The following PDE4B variants were observed in gnomAD, a reference collection of about 807,000 sequenced individuals.
PDE4B encodes 3',5'-cyclic-AMP phosphodiesterase 4B.
A neutral mutation model predicts 82.2 loss-of-function variants in PDE4B; 20 were observed. The observed-to-expected ratio is 0.24, with a 90% CI of 0.17 to 0.35. The LOEUF is 0.35. Ranked by LOEUF, PDE4B falls within the 10% of genes least tolerant of loss-of-function variation. The pLI is 1.00. For synonymous variants in PDE4B, 320 were observed against 318.9 expected, an observed-to-expected ratio of 1.00 and a Z score of -0.04; for missense variants, 655 against 907.2, an observed-to-expected ratio of 0.72 and a Z score of 3.57.
At chr1:65,921,161 G>C (rs1647235932) in intron 3 of PDE4B, among the ~76,000 whole-genome samples, 1 of 150,850 alleles carries the variant, frequency 6.6e-6, no homozygotes, top group Non-Finnish European at 1.5e-5. Context: ...GTAGAGACGG[G>C]GTTTCACCGT....
intron 3 of PDE4B, among the ~76,000 whole-genome samples, chr1:66,033,193 T>G (rs923088365): frequency 5.3e-5 from 8 of 152,014 alleles, no homozygotes; most frequent in Non-Finnish European, 1.2e-4. Context: ...GGTTTTGGGG[T>G]TTTTTAGTGC....
chr1:66,095,357 A>C (rs1178641528), intron 3 of PDE4B, among the ~76,000 whole-genome samples: 2 of 151,940 alleles, frequency 1.3e-5, no homozygotes, highest in African/African-American at 2.4e-5. Context: ...TATTGTGTCT[A>C]ACATAGCATT....
chr1:66,240,754 A>G (rs1361799661), intron 3 of PDE4B, among the ~76,000 whole-genome samples: 1 of 152,240 alleles, frequency 6.6e-6, no homozygotes, highest in Non-Finnish European at 1.5e-5. Context: ...GCTCATCACC[A>G]TTAACATAAA....
chr1:66,299,488 C>T (rs1298532726), intron 7 of PDE4B, among the ~76,000 whole-genome samples: 1 of 152,088 alleles, frequency 6.6e-6, no homozygotes, highest in Admixed American at 6.6e-5. Flanking sequence ...AGGCTAATTC[C>T]ATATCTTGGC....
chr1:65,935,731 CGA>C (rs1237020696), intron 3 of PDE4B, among the ~76,000 whole-genome samples: 3 of 152,074 alleles, frequency 2.0e-5, no homozygotes, highest in African/African-American at 7.2e-5. Context: ...CACCTGAGGT[CGA>C]GAGTTCGAGA....
intron 9 of PDE4B, 133 bp downstream of exon 9, chr1:66,355,753 C>A (rs571083718): frequency 4.2e-5 from 22 of 521,566 alleles, no homozygotes; most frequent in African/African-American, 9.6e-5. Context: ...AAAATAATAA[C>A]TAAGGCCAGT....
intron 5 of PDE4B, 48 bp downstream of exon 5, chr1:66,257,731 A>G (rs1654353212): frequency 1.2e-6 from 2 of 1,608,548 alleles, no homozygotes; most frequent in Non-Finnish European, 1.7e-6. Context: ...GCTGGTTTCT[A>G]AGTCTGAACC....
chr1:66,277,387 T>C (rs1212696028), intron 7 of PDE4B, among the ~76,000 whole-genome samples: 1 of 152,048 alleles, frequency 6.6e-6, no homozygotes, highest in Non-Finnish European at 1.5e-5. Context: ...TTTTATTTTA[T>C]TATTTATTTA....
At chr1:66,155,574 G>A (rs186566303) in intron 3 of PDE4B, among the ~76,000 whole-genome samples, 1 of 151,440 alleles carries the variant, frequency 6.6e-6, no homozygotes, top group Non-Finnish European at 1.5e-5. Flanking sequence ...CCTATCATTT[G>A]TAACCACTAG....
chr1:65,828,311 T>G (rs996263749), intron 1 of PDE4B, among the ~76,000 whole-genome samples: 1 of 152,144 alleles, frequency 6.6e-6, no homozygotes, highest in Non-Finnish European at 1.5e-5. Flanking sequence ...AGTGGCGTGA[T>G]CATGGCTCAC....
chr1:66,371,943 A>G (rs576060408), intron 16 of PDE4B, among the ~76,000 whole-genome samples: 53 of 152,294 alleles, frequency 3.5e-4, no homozygotes, highest in African/African-American at 1.3e-3. Context: ...TATCTGGCGC[A>G]CATAAAAGGA....
intron 7 of PDE4B, among the ~76,000 whole-genome samples, chr1:66,302,728 T>G (rs1328900077): frequency 6.6e-6 from 1 of 152,200 alleles, no homozygotes; most frequent in Non-Finnish European, 1.5e-5. Context: ...CAAAAGCTCT[T>G]GCTTGCTTTC....
chr1:66,029,784 A>C lies in PDE4B; in HGVS notation c.281+110949A>C, dbSNP rs560404662. ...CATGCAATAATGAAATATTTTAAATACTGAATTTAGGATGAATTTGATTTT... is the reference window on the plus strand; with the variant it reads ...CATGCAATAATGAAATATTTTAAATCCTGAATTTAGGATGAATTTGATTTT... On this transcript the variant is annotated intron_variant, in intron 3 of 16. Transcript: ENST00000341517. Among the ~76,000 whole-genome samples, 3 of 152,338 alleles carry C rather than the reference A, an allele frequency of 2.0e-5. No individual in the cohort carries two copies. In the East Asian group the frequency reaches 5.8e-4, roughly 29 times the overall value.
chr1:66,008,045 G>A (rs1349336223), intron 3 of PDE4B, among the ~76,000 whole-genome samples: 1 of 152,020 alleles, frequency 6.6e-6, no homozygotes, highest in Admixed American at 6.6e-5. Flanking sequence ...AAATATCCAG[G>A]GTTACTGGAT....
chr1:66,032,678 A>C (rs1653850262), intron 3 of PDE4B, among the ~76,000 whole-genome samples: 1 of 134,718 alleles, frequency 7.4e-6, no homozygotes, highest in Admixed American at 8.0e-5. Context: ...TTTTTTGAGA[A>C]GGAGTCTCGC....
At chr1:66,079,166 T>TCTCTCTC (rs1656590475) in intron 3 of PDE4B, among the ~76,000 whole-genome samples, 1 of 142,210 alleles carries the variant, frequency 7.0e-6, no homozygotes, top group East Asian at 2.1e-4. Flanking sequence ...CCTGCTTCTT[T>TCTCTCTC]TCTCTCTCTC....
At position 66,240,569 on chromosome 1, in the gene PDE4B, T is replaced by C. The variant is rs183057792; in HGVS notation, c.282-6891T>C. Among the ~76,000 whole-genome samples, 11 of 152,356 alleles carry C rather than the reference T, an allele frequency of 7.2e-5. No individual in the cohort carries two copies. The East Asian group carries it at 1.9e-3, about 27-fold the overall frequency. On this transcript the variant is annotated intron_variant, in intron 3 of 16. Coordinates refer to ENST00000341517, the MANE Select transcript of PDE4B (RefSeq NM_002600.4). ...ATTATTCCCTTTGTCTCTATCACAC[T>C]ACTATGTTTTATTTTCTTCATGGTA... is the stretch of plus-strand genomic sequence containing the variant.
At chr1:66,076,203 G>A (rs1042764365) in intron 3 of PDE4B, among the ~76,000 whole-genome samples, 1 of 152,018 alleles carries the variant, frequency 6.6e-6, no homozygotes, top group African/African-American at 2.4e-5. Context: ...ATATTTCCCA[G>A]TGTCTGTTGT....
chr1:66,318,229 C>A (rs535475152), intron 7 of PDE4B, among the ~76,000 whole-genome samples: 1 of 152,270 alleles, frequency 6.6e-6, no homozygotes, highest in African/African-American at 2.4e-5. Flanking sequence ...TAACTTTGGG[C>A]AGATTATGTA....
Sources: allele counts gnomAD v4.1 joint callset (sites outside exome capture counted in the v4.1 genomes callset), GRCh38; gene constraint gnomAD v4.1.1; transcripts MANE v1.5; gene names NCBI Gene and HGNC (gene_info 2026-07-23, HGNC 2026-07-21).